Variants in DLG2 observed in about 807,000 individuals in gnomAD.
DLG2 encodes disks large homolog 2.
A neutral mutation model predicts 132.5 loss-of-function variants in DLG2; 45 were observed. That is an observed-to-expected ratio of 0.34 (90% CI 0.27 to 0.44). The LOEUF (loss-of-function observed/expected upper bound fraction) is 0.44. Ranked by LOEUF, DLG2 falls within the 20% of genes least tolerant of loss-of-function variation. The pLI is 1.00. For missense variants in DLG2, 1,045 were observed against 1,196.9 expected, an observed-to-expected ratio of 0.87 and a Z score of 1.87; for synonymous variants, 424 against 419.6, an observed-to-expected ratio of 1.01 and a Z score of -0.13.
intron 6 of DLG2, among the ~76,000 whole-genome samples, chr11:85,030,777 T>C (rs2060934937): frequency 6.6e-6 from 1 of 152,132 alleles, no homozygotes; most frequent in South Asian, 2.1e-4. Flanking sequence ...CCACCTCATA[T>C]TGATACTTAA....
intron 11 of DLG2, among the ~76,000 whole-genome samples, chr11:84,033,076 C>A (rs866018214): frequency 2.0e-5 from 3 of 152,266 alleles, no homozygotes; most frequent in Middle Eastern, 3.4e-3. Context: ...TTAATGTTTT[C>A]ATGTCCACTA....
chr11:84,580,307 C>T (rs2099513409), intron 6 of DLG2, among the ~76,000 whole-genome samples: 1 of 152,094 alleles, frequency 6.6e-6, no homozygotes, highest in East Asian at 1.9e-4. Context: ...TAAGGCCTGG[C>T]CTGTAAAATT....
chr11:85,044,307 G>T (rs935306782), intron 6 of DLG2, among the ~76,000 whole-genome samples: 1 of 151,854 alleles, frequency 6.6e-6, no homozygotes, highest in Non-Finnish European at 1.5e-5. Context: ...TACTATCACT[G>T]CCTAGAGGAT....
intron 6 of DLG2, among the ~76,000 whole-genome samples, chr11:84,616,457 A>G (rs2099604608): frequency 6.6e-6 from 1 of 152,140 alleles, no homozygotes; most frequent in Non-Finnish European, 1.5e-5. Flanking sequence ...GGTACATTTT[A>G]GCACTAATAG....
intron 3 of DLG2, among the ~76,000 whole-genome samples, chr11:85,349,106 T>C (rs1329065891): frequency 1.3e-5 from 2 of 152,164 alleles, no homozygotes; most frequent in Non-Finnish European, 2.9e-5. Context: ...GCTTTCTTTC[T>C]TTGGAATTCA....
intron 11 of DLG2, among the ~76,000 whole-genome samples, chr11:83,986,165 C>A (rs1042633488): frequency 1.3e-5 from 2 of 151,342 alleles, no homozygotes; most frequent in African/African-American, 2.4e-5. Context: ...CCCATTAACT[C>A]GTCATTTAGC....
intron 6 of DLG2, among the ~76,000 whole-genome samples, chr11:84,538,179 G>C (rs979935994): frequency 7.9e-5 from 12 of 152,172 alleles, no homozygotes; most frequent in African/African-American, 2.2e-4. Flanking sequence ...GCTGGCTGCA[G>C]CTTCTCAGTT....
intron 6 of DLG2, among the ~76,000 whole-genome samples, chr11:84,929,267 G>T (rs2047821309): frequency 6.6e-6 from 1 of 151,320 alleles, no homozygotes; most frequent in South Asian, 2.1e-4. Context: ...AGACCCCAGT[G>T]CCTATACAGT....
intron 7 of DLG2, among the ~76,000 whole-genome samples, chr11:84,532,671 A>T (rs1490413784): frequency 6.6e-6 from 1 of 151,892 alleles, no homozygotes; most frequent in African/African-American, 2.4e-5. Flanking sequence ...AATTTGTTAA[A>T]TTTTTTGCAG....
In DLG2 at chr11:84,410,501, A is replaced by G. The variant is rs189172839; in HGVS notation, c.519+124069T>C. ...TTCTTTGGTGGCTTATTCCAAAAAA[A>G]AGAAAAAGTGTATAGAAAACACCTA... On this transcript the variant is annotated intron_variant, in intron 7 of 27. Coordinates refer to ENST00000376104, the MANE Select transcript of DLG2 (RefSeq NM_001142699.3). Among the ~76,000 whole-genome samples, 12 of 152,268 alleles carry G rather than the reference A, an allele frequency of 7.9e-5. No homozygotes were observed. The East Asian group carries it at 2.3e-3, about 29-fold the overall frequency.
At chr11:85,067,302 GATTC>G (rs1472660190) in intron 6 of DLG2, among the ~76,000 whole-genome samples, 3 of 151,756 alleles carry the variant, frequency 2.0e-5, no homozygotes, top group African/African-American at 7.3e-5. Flanking sequence ...CCAGCTCCTG[GATTC>G]ATTGATTTTT....
intron 7 of DLG2, among the ~76,000 whole-genome samples, chr11:84,475,339 C>T (rs1017126022): frequency 6.6e-6 from 1 of 152,042 alleles, no homozygotes; most frequent in Admixed American, 6.6e-5. Context: ...GAAATACTAA[C>T]ATTTTTTGCG....
chr11:85,571,107 C>T (rs2077819277), intron 3 of DLG2, among the ~76,000 whole-genome samples: 1 of 152,032 alleles, frequency 6.6e-6, no homozygotes, highest in Non-Finnish European at 1.5e-5. Context: ...CTCTAGGCTA[C>T]CTAAGGACAG....
At chr11:83,634,368 A>G (rs1177341902) in intron 18 of DLG2, among the ~76,000 whole-genome samples, 1 of 152,210 alleles carries the variant, frequency 6.6e-6, no homozygotes, top group East Asian at 1.9e-4. Context: ...TGTAAAAAGA[A>G]ACGGCTTTTG....
chr11:84,565,379 C>T (rs910816129), intron 6 of DLG2, among the ~76,000 whole-genome samples: 1 of 152,086 alleles, frequency 6.6e-6, no homozygotes, highest in African/African-American at 2.4e-5. Context: ...CTTAATTTTA[C>T]TGAGTCAGTT....
At chr11:84,231,084 C>T (rs1394344870) in intron 8 of DLG2, among the ~76,000 whole-genome samples, 1 of 152,182 alleles carries the variant, frequency 6.6e-6, no homozygotes, top group East Asian at 1.9e-4. Flanking sequence ...TGTCTTCAAC[C>T]AATGGATGAA....
At chr11:84,857,427 A>AT (rs946279098) in intron 6 of DLG2, among the ~76,000 whole-genome samples, 18 of 150,892 alleles carry the variant, frequency 1.2e-4, no homozygotes, top group African/African-American at 1.9e-4. Flanking sequence ...AGTAGTATTG[A>AT]TTTTTTTTTA....
intron 5 of DLG2, among the ~76,000 whole-genome samples, chr11:85,146,819 C>T (rs12274621): frequency 6.6e-6 from 1 of 152,204 alleles, no homozygotes; most frequent in African/African-American, 2.4e-5. Context: ...ACCTTGTTAC[C>T]TGACTGACAT....
At chr11:83,693,915 A>G (rs2081424838) in intron 18 of DLG2, 1 of 152,180 alleles carries the variant, frequency 6.6e-6, no homozygotes, top group Non-Finnish European at 1.5e-5. Flanking sequence ...TGCCTTCTGT[A>G]TCTTTCTCAC....
Sources: allele counts gnomAD v4.1 joint callset (sites outside exome capture counted in the v4.1 genomes callset), GRCh38; gene constraint gnomAD v4.1.1; transcripts MANE v1.5; gene names NCBI Gene and HGNC (gene_info 2026-07-23, HGNC 2026-07-21).